Variants in CAMTA1 observed in about 807,000 individuals in gnomAD.
The protein encoded by CAMTA1 is calmodulin binding transcription activator 1, also known as calmodulin-binding transcription activator 1.
A neutral mutation model predicts 170.9 loss-of-function variants in CAMTA1; 27 were observed. The observed-to-expected ratio is 0.16, with a 90% confidence interval of 0.12 to 0.22. The LOEUF is 0.22. Ranked by LOEUF, CAMTA1 falls within the 10% of genes least tolerant of loss-of-function variation. CAMTA1 has a pLI of 1.00. For missense variants in CAMTA1, 1,619 were observed against 2,217.2 expected (o/e 0.73, Z 5.42); for synonymous variants, 833 against 891.5 (o/e 0.93, Z 1.17).
chr1:7,629,750 C>T (rs1181802322), intron 6 of CAMTA1, among the ~76,000 whole-genome samples: 1 of 152,122 alleles, frequency 6.6e-6, no homozygotes, highest in East Asian at 1.9e-4. Flanking sequence ...GCAGCAAGGA[C>T]GCCTCGGCCA....
chr1:7,632,790 G>T (rs543558895), intron 6 of CAMTA1, among the ~76,000 whole-genome samples: 1 of 152,248 alleles, frequency 6.6e-6, no homozygotes, highest in South Asian at 2.1e-4. Context: ...AGTCCCCTCC[G>T]TGGGTCTCTG....
Position 7,609,717 on chromosome 1 carries a change from G to A in CAMTA1, c.511-30683G>A, listed in dbSNP as rs2095510681. The stretch of plus-strand genomic sequence containing the variant: ...CAGATCTCTTCCACCCACAGGTGGT[G>A]TGACCTTGAGCAGGTCACTTTGCTT... On this transcript the variant is annotated intron_variant, in intron 6 of 22. Transcript: ENST00000303635. This position sits in a 1 kb window ranked among gnomAD's most constrained non-coding sequence, Gnocchi z 4.4. Among the ~76,000 whole-genome samples, 1 of 152,230 alleles carries A rather than the reference G, an allele frequency of 6.6e-6. No individual in the cohort carries two copies. Among genetic ancestry groups the A allele is most frequent in the South Asian group, 2.1e-4 (1 of 4,834 alleles).
At chr1:7,506,657 C>T (rs946543346) in intron 6 of CAMTA1, among the ~76,000 whole-genome samples, 4 of 151,284 alleles carry the variant, frequency 2.6e-5, no homozygotes, top group Non-Finnish European at 4.4e-5. Context: ...CATGCTGAAA[C>T]GTAAAATTCA....
At chr1:7,500,337 G>T (rs71509041) in intron 6 of CAMTA1, among the ~76,000 whole-genome samples, 401 of 102,992 alleles carry the variant, frequency 3.9e-3, no homozygotes, top group African/African-American at 7.3e-3. Flanking sequence ...TAGAGAGGAT[G>T]GTGTGAGCCT....
chr1:7,257,407 C>G (rs1287866351), intron 5 of CAMTA1, among the ~76,000 whole-genome samples: 2 of 152,182 alleles, frequency 1.3e-5, no homozygotes, highest in Non-Finnish European at 2.9e-5. Flanking sequence ...CTGGCTGTCA[C>G]TCCTCAGTTG....
chr1:7,734,812 A>C (rs1247568622), intron 12 of CAMTA1, among the ~76,000 whole-genome samples: 1 of 152,224 alleles, frequency 6.6e-6, no homozygotes, highest in African/African-American at 2.4e-5. Context: ...TTCTGTAGTA[A>C]GTAAAGTTTA....
At chr1:6,928,944 C>T (rs1683858143) in intron 3 of CAMTA1, among the ~76,000 whole-genome samples, 1 of 152,188 alleles carries the variant, frequency 6.6e-6, no homozygotes. Context: ...CTGTGCCTGG[C>T]CCATCGGAGG....
intron 5 of CAMTA1, among the ~76,000 whole-genome samples, chr1:7,391,328 A>AGTGTGT (rs35663101): frequency 0.11 from 16,812 of 146,854 alleles, 992 homozygotes; most frequent in African/African-American, 0.14. Flanking sequence ...CCCTTTACAC[A>AGTGTGT]GTGTGTGTGT....
At chr1:7,436,430 C>T (rs139495443) in intron 5 of CAMTA1, among the ~76,000 whole-genome samples, 1 of 152,178 alleles carries the variant, frequency 6.6e-6, no homozygotes, top group Non-Finnish European at 1.5e-5. Context: ...GTGCTTCTGT[C>T]CTAGCACTAA....
chr1:7,151,399 C>T (rs1287195745), intron 4 of CAMTA1, among the ~76,000 whole-genome samples: 1 of 152,192 alleles, frequency 6.6e-6, no homozygotes, highest in Non-Finnish European at 1.5e-5. Flanking sequence ...CCTGGATTGC[C>T]CAGCGAGGCT....
chr1:7,557,374 G>A (rs1026942234), intron 6 of CAMTA1, among the ~76,000 whole-genome samples: 3 of 151,660 alleles, frequency 2.0e-5, no homozygotes, highest in African/African-American at 7.3e-5. Context: ...CCAGAGCCCG[G>A]CCAAGCGGAC....
At chr1:6,861,964 C>CTT (rs1328461176) in intron 3 of CAMTA1, among the ~76,000 whole-genome samples, 1,778 of 140,150 alleles carry the variant, frequency 0.013, 25 homozygotes, top group African/African-American at 0.041. Flanking sequence ...TAGTATTTGT[C>CTT]TTTTTTTTTT....
chr1:7,416,444 A>AGACT (rs2091179440), intron 5 of CAMTA1, among the ~76,000 whole-genome samples: 1 of 152,162 alleles, frequency 6.6e-6, no homozygotes, highest in Non-Finnish European at 1.5e-5. Flanking sequence ...TATTTCTTGG[A>AGACT]GACTTTTTTC....
At chr1:7,395,173 G>A (rs557323244) in intron 5 of CAMTA1, among the ~76,000 whole-genome samples, 3 of 152,266 alleles carry the variant, frequency 2.0e-5, no homozygotes, top group African/African-American at 7.2e-5. Context: ...GTGAGCCACC[G>A]CACCTGGCCT....
At chr1:6,842,713 G>A (rs1387036722) in intron 3 of CAMTA1, among the ~76,000 whole-genome samples, 1 of 152,198 alleles carries the variant, frequency 6.6e-6, no homozygotes, top group Non-Finnish European at 1.5e-5. Context: ...CCTGAGGTCA[G>A]GAGTTCGAGA....
rs2095252029 is a variant in CAMTA1 at position 7,580,613 on chromosome 1, G to T, written c.511-59787G>T. Among the ~76,000 whole-genome samples, 2 of 152,124 alleles carry T rather than the reference G, an allele frequency of 1.3e-5. No individual in the cohort carries two copies. The highest frequency in any genetic ancestry group is 4.8e-5 in the African/African-American group (2 of 41,414). ...CCCACGTTTGGGGACAGCCGTGTCA[G>T]AGACTGATAATACTGCTCATTCTCG... is the stretch of plus-strand genomic sequence containing the variant. On this transcript the variant is annotated intron_variant, in intron 6 of 22. Transcript: ENST00000303635. The surrounding 1 kb of genome is among the most constrained non-coding windows in gnomAD (Gnocchi z 4.3).
intron 3 of CAMTA1, chr1:6,852,944 C>T (rs1259189994): frequency 6.6e-6 from 1 of 151,990 alleles, no homozygotes; most frequent in Non-Finnish European, 1.5e-5. Context: ...CCCGAGAGTC[C>T]TCTCATCATA....
chr1:6,848,770 T>A (rs1393734693), intron 3 of CAMTA1, among the ~76,000 whole-genome samples: 1 of 152,214 alleles, frequency 6.6e-6, no homozygotes, highest in Non-Finnish European at 1.5e-5. Flanking sequence ...GATTTTAATT[T>A]TGTAAATACT....
At chr1:7,659,843 C>T (rs56884865) in intron 7 of CAMTA1, among the ~76,000 whole-genome samples, 44,686 of 152,072 alleles carry the variant, frequency 0.29, 6,641 homozygotes, top group Middle Eastern at 0.38. Flanking sequence ...GTGCCAGGCA[C>T]GTAGATCGTG....
Sources: allele counts gnomAD v4.1 joint callset (sites outside exome capture counted in the v4.1 genomes callset), GRCh38; gene constraint gnomAD v4.1.1; non-coding constraint Gnocchi (gnomAD v3.1); transcripts MANE v1.5; gene names NCBI Gene and HGNC (gene_info 2026-07-23, HGNC 2026-07-21).